PELI2: variants seen among roughly 807,000 people sequenced by gnomAD.
PELI2 encodes the protein E3 ubiquitin-protein ligase pellino homolog 2.
Under a neutral mutation model 42.3 loss-of-function variants are expected in PELI2, and 23 were observed. The ratio of observed to expected loss-of-function variants is 0.54; its 90% confidence interval spans 0.39 to 0.77. The LOEUF is 0.77. Ranked by LOEUF, PELI2 falls within the 30% of genes least tolerant of loss-of-function variation. The pLI is 0.00. For synonymous variants in PELI2, 245 were observed against 212.2 expected (o/e 1.15, Z -1.34); for missense variants, 463 against 553.2 (o/e 0.84, Z 1.64).
intron 2 of PELI2, among the ~76,000 whole-genome samples, chr14:56,224,529 A>G (rs1887269717): frequency 6.6e-6 from 1 of 152,226 alleles, no homozygotes; most frequent in South Asian, 2.1e-4. Context: ...TTCAAAGTTC[A>G]GTAGGGATAG....
intron 1 of PELI2, among the ~76,000 whole-genome samples, chr14:56,128,224 C>T (rs1883350356): frequency 2.0e-5 from 3 of 152,114 alleles, no homozygotes; most frequent in Non-Finnish European, 4.4e-5. Context: ...GTGGTGGAGC[C>T]TACATAAGGA....
At position 56,250,758 on chromosome 14, in the gene PELI2, C is replaced by T. The variant is rs1056324234; in HGVS notation, c.208-28918C>T. On this transcript the variant is annotated intron_variant, in intron 2 of 5. Coordinates refer to ENST00000267460, the MANE Select transcript of PELI2 (RefSeq NM_021255.3). ...GAGAGTGGGTCTGCCTCTCTCAATCCGCTGACTCAAATGTTAATCTCCTTT... is the reference window on the plus strand; with the variant it reads ...GAGAGTGGGTCTGCCTCTCTCAATCTGCTGACTCAAATGTTAATCTCCTTT... Among the ~76,000 whole-genome samples, 5 of 152,104 alleles carry T rather than the reference C, an allele frequency of 3.3e-5. No individual in the cohort carries two copies. In the East Asian group the frequency reaches 5.8e-4, roughly 18 times the overall value.
In PELI2 at chr14:56,122,411, T is replaced by C. The variant is rs140512561; in HGVS notation, c.77+3674T>C. Reference sequence around the variant, plus strand: ...GCTGGGTGGCTGTACTCCCCTACTCTACCCTTTCCTCACTTTAAGACAGAT... The same window carrying C: ...GCTGGGTGGCTGTACTCCCCTACTCCACCCTTTCCTCACTTTAAGACAGAT... On this transcript the variant is annotated intron_variant, in intron 1 of 5. Transcript: ENST00000267460. Among the ~76,000 whole-genome samples the C allele has an allele frequency of 1.1e-4, 16 of 152,290 alleles. No individual in the cohort carries two copies. In the East Asian group the frequency reaches 1.4e-3, roughly 13 times the overall value.
At chr14:56,149,767 A>G (rs866254146) in intron 1 of PELI2, among the ~76,000 whole-genome samples, 2 of 152,166 alleles carry the variant, frequency 1.3e-5, no homozygotes, top group East Asian at 1.9e-4. Context: ...AATATTGTGT[A>G]TGTTATATTT....
At chr14:56,261,906 A>G (rs1298108548) in intron 2 of PELI2, among the ~76,000 whole-genome samples, 1 of 152,246 alleles carries the variant, frequency 6.6e-6, no homozygotes, top group Non-Finnish European at 1.5e-5. Flanking sequence ...AACTTCACAC[A>G]TAAATATATT....
At chr14:56,131,694 A>G (rs570165784) in intron 1 of PELI2, among the ~76,000 whole-genome samples, 7 of 152,330 alleles carry the variant, frequency 4.6e-5, no homozygotes, top group African/African-American at 1.4e-4. Context: ...CTTTTTCCCC[A>G]GATGGAAAAG....
chr14:56,188,307 T>C (rs530566605), intron 2 of PELI2, among the ~76,000 whole-genome samples: 1 of 152,330 alleles, frequency 6.6e-6, no homozygotes, highest in East Asian at 1.9e-4. Context: ...TTCTAATGGG[T>C]CAATAACTAA....
intron 3 of PELI2, among the ~76,000 whole-genome samples, chr14:56,286,401 T>G (rs146611114): frequency 5.6e-4 from 85 of 152,304 alleles, no homozygotes; most frequent in African/African-American, 2.0e-3. Flanking sequence ...TTCTAGATGC[T>G]TTGATACCAT....
At chr14:56,171,997 C>T (rs1322590042) in intron 1 of PELI2, among the ~76,000 whole-genome samples, 2 of 151,572 alleles carry the variant, frequency 1.3e-5, no homozygotes, top group Non-Finnish European at 2.9e-5. Context: ...GCCTGGGTGA[C>T]AGAGGAGACT....
chr14:56,186,222 G>C (rs751294169), intron 2 of PELI2, among the ~76,000 whole-genome samples: 1 of 152,176 alleles, frequency 6.6e-6, no homozygotes, highest in Non-Finnish European at 1.5e-5. Context: ...AGTGCAGGTG[G>C]CTTCTAGAAG....
chr14:56,261,035 ATT>A (rs796161866), intron 2 of PELI2, among the ~76,000 whole-genome samples: 1 of 144,926 alleles, frequency 6.9e-6, no homozygotes. Context: ...GGATTGAGGT[ATT>A]TTTTTTTTTT....
intron 2 of PELI2, among the ~76,000 whole-genome samples, chr14:56,222,406 T>G (rs1479744): frequency 6.6e-6 from 1 of 152,070 alleles, no homozygotes; most frequent in Non-Finnish European, 1.5e-5. Flanking sequence ...GTGAACCAAG[T>G]GTTGAATGGT....
chr14:56,289,024 A>G (rs1027977652), intron 4 of PELI2, among the ~76,000 whole-genome samples: 7 of 152,280 alleles, frequency 4.6e-5, no homozygotes, highest in East Asian at 1.9e-4. Flanking sequence ...AGTGTTTGCT[A>G]TGTTCCATAC....
At chr14:56,231,503 T>C (rs1887570708) in intron 2 of PELI2, among the ~76,000 whole-genome samples, 1 of 152,210 alleles carries the variant, frequency 6.6e-6, no homozygotes, top group South Asian at 2.1e-4. Flanking sequence ...TGCTCCTGAA[T>C]GACTACTGGG....
At chr14:56,247,270 AT>A (rs1392891482) in intron 2 of PELI2, among the ~76,000 whole-genome samples, 1 of 152,206 alleles carries the variant, frequency 6.6e-6, no homozygotes, top group African/African-American at 2.4e-5. Context: ...CCCAAGATTT[AT>A]CGTGTATATT....
chr14:56,212,863 A>T (rs910070748), intron 2 of PELI2, among the ~76,000 whole-genome samples: 3 of 152,208 alleles, frequency 2.0e-5, no homozygotes, highest in African/African-American at 7.2e-5. Flanking sequence ...AGAGAGGGGA[A>T]GCTTGAGCCA....
chr14:56,133,879 T>C (rs1223938212), intron 1 of PELI2, among the ~76,000 whole-genome samples: 2 of 152,208 alleles, frequency 1.3e-5, no homozygotes, highest in Non-Finnish European at 2.9e-5. Context: ...TACCTGGCAC[T>C]ACATGGAGGG....
In PELI2 at chr14:56,153,683, A is replaced by T. The variant is rs193170776; in HGVS notation, c.78-24652A>T. Among the ~76,000 whole-genome samples the T allele has an allele frequency of 6.8e-4, 104 of 152,352 alleles. 1 individual carries two copies. The highest frequency in any genetic ancestry group is 2.5e-3 in the African/African-American group (102 of 41,586). On this transcript the variant is annotated intron_variant, in intron 1 of 5. Transcript: ENST00000267460. ...AGCAGAAAACTTGAGATTTAATTTT[A>T]AAAATAAAGTATAAGAATGATAGGT...
intron 2 of PELI2, among the ~76,000 whole-genome samples, chr14:56,222,072 C>CTT (rs5808850): frequency 4.1e-4 from 59 of 145,304 alleles, no homozygotes; most frequent in East Asian, 1.2e-3. Context: ...TAGCTTTGGA[C>CTT]TTTTTTTTTT....
Sources: gnomAD v4.1 joint callset for allele counts (sites outside exome capture counted in the v4.1 genomes callset) on GRCh38, gnomAD v4.1.1 for gene constraint, MANE v1.5 for transcripts, NCBI Gene and HGNC (gene_info 2026-07-23, HGNC 2026-07-21) for gene names.